The following GLT8D2 variants were observed in gnomAD, a reference collection of about 807,000 sequenced individuals.
GLT8D2 encodes the protein glycosyltransferase 8 domain containing 2.
Under a neutral mutation model 44.5 loss-of-function variants are expected in GLT8D2, and 45 were observed. The ratio of observed to expected loss-of-function variants is 1.01; its 90% CI spans 0.80 to 1.30. The LOEUF is 1.30. Ranked by LOEUF, GLT8D2 falls within the 50% of genes most tolerant of loss-of-function variation. The probability of loss-of-function intolerance (pLI) is 0.00; values close to 1 mark genes in which losing one functional copy is unlikely to be tolerated. For missense variants in GLT8D2, 400 were observed against 430.4 expected, an observed-to-expected ratio of 0.93 and a Z score of 0.62; for synonymous variants, 156 against 157.2, an observed-to-expected ratio of 0.99 and a Z score of 0.06.
chr12:103,994,755 C>T (rs903054471), intron 8 of GLT8D2, among the ~76,000 whole-genome samples: 3 of 152,170 alleles, frequency 2.0e-5, no homozygotes, highest in African/African-American at 7.2e-5. Flanking sequence ...CTTGTCCAGT[C>T]TCATGGCTCT....
chr12:104,051,612 T>A (rs1881736090), upstream of GLT8D2, among the ~76,000 whole-genome samples: 1 of 152,208 alleles, frequency 6.6e-6, no homozygotes, highest in Non-Finnish European at 1.5e-5. Context: ...AATATCCTCC[T>A]TCTAGCTCTT....
In GLT8D2 at chr12:104,009,255, C is replaced by T. The variant is rs189091011; in HGVS notation, c.112+5758G>A. The stretch of plus-strand genomic sequence containing the variant: ...AGCCACAGGGTAGAGCTGCCCAAGA[C>T]CATGGGAACCCACGTCTTGCATCAG... On this transcript the variant is annotated intron_variant, in intron 4 of 10. Coordinates refer to ENST00000360814, the MANE Select transcript of GLT8D2 (RefSeq NM_001384711.1). Among the ~76,000 whole-genome samples the T allele has an allele frequency of 2.0e-5, 3 of 152,324 alleles. No individual in the cohort carries two copies. The East Asian group carries it at 5.8e-4, about 29-fold the overall frequency.
At chr12:104,012,183 A>AT (rs1555278385) in intron 4 of GLT8D2, among the ~76,000 whole-genome samples, 14 of 84,066 alleles carry the variant, frequency 1.7e-4, no homozygotes, top group South Asian at 7.2e-4. Flanking sequence ...AAAAAAAAAA[A>AT]AAAAAAATAT....
intron 10 of GLT8D2, among the ~76,000 whole-genome samples, chr12:103,993,073 G>A (rs1021443138): frequency 1.1e-4 from 16 of 152,098 alleles, no homozygotes; most frequent in South Asian, 4.2e-4. Context: ...GGCTTATGCC[G>A]TAATCCTAGC....
chr12:104,009,780 G>T (rs1259897592), intron 4 of GLT8D2, among the ~76,000 whole-genome samples: 2 of 152,160 alleles, frequency 1.3e-5, no homozygotes, highest in African/African-American at 4.8e-5. Flanking sequence ...TGTTCTCATG[G>T]TAGTGAATAA....
At position 104,022,934 on chromosome 12, in the gene GLT8D2, A is replaced by T. The variant is rs149081888; in HGVS notation, c.-163-1443T>A. On this transcript the variant is annotated intron_variant, in intron 1 of 10. Coordinates refer to ENST00000360814, the MANE Select transcript of GLT8D2 (RefSeq NM_001384711.1). The stretch of plus-strand genomic sequence containing the variant: ...AAATGCAGGGCAAATTCTAAGAGGC[A>T]TATTAACTAGATGTATTCCAAGAAC... 4.2e-3 allele frequency among the ~76,000 whole-genome samples: 637 copies of T among 152,372 alleles called. 5 individuals are homozygous for T. The highest frequency in any genetic ancestry group is 7.8e-3 in the Non-Finnish European group (530 of 68,044).
At chr12:104,060,130 A>T (rs529521709) in intron 1 of GLT8D2, among the ~76,000 whole-genome samples, 5 of 151,686 alleles carry the variant, frequency 3.3e-5, no homozygotes, top group Non-Finnish European at 5.9e-5. Flanking sequence ...TTTCCTTACC[A>T]CTTCTGCCTC....
chr12:103,996,769 G>A lies in GLT8D2; in HGVS notation c.566C>T (p.Ser189Phe). ...CACGAGTCTGTTTATGTCCTGAGCAGAGGGCAAATCGCAGTCATCTGAGAA... is the reference window on the plus strand; with the variant it reads ...CACGAGTCTGTTTATGTCCTGAGCAAAGGGCAAATCGCAGTCATCTGAGAA... ...AAFSDDCDLPSAQDINRLVGL... is the reference protein window; with the variant it reads ...AAFSDDCDLPFAQDINRLVGL... Residue 189 changes from serine to phenylalanine, a missense_variant, in exon 8 of 11, where the codon TCT becomes TTT. Physicochemically the swap from Ser to Phe is radical, Grantham distance 155. Transcript: ENST00000360814. The A allele has an allele frequency of 6.2e-7, 1 of 1,614,118 alleles. No homozygotes were observed. The highest frequency in any genetic ancestry group is 8.5e-7 in the Non-Finnish European group (1 of 1,179,956).
Position 104,030,884 on chromosome 12 carries a change from G to C in GLT8D2, c.-163-9393C>G, listed in dbSNP as rs958718670. 7 of 1,559,164 alleles carry C rather than the reference G, an allele frequency of 4.5e-6. No individual in the cohort carries two copies. In the South Asian group the frequency reaches 4.5e-5, roughly 10 times the overall value. On this transcript the variant is annotated intron_variant, in intron 1 of 10. Transcript: ENST00000360814. Reference sequence around the variant, plus strand: ...CGCCGACCTGAGCCCGGCGGGCCACGAGGAGGCGAAGCGCGGCGGGCAGGC... The same window carrying C: ...CGCCGACCTGAGCCCGGCGGGCCACCAGGAGGCGAAGCGCGGCGGGCAGGC...
At chr12:104,052,750 A>T (rs1881829254), upstream of GLT8D2, among the ~76,000 whole-genome samples, 1 of 143,606 alleles carries the variant, frequency 7.0e-6, no homozygotes, top group Non-Finnish European at 1.5e-5. Context: ...AGCATCTTGT[A>T]CCTTATTTTA....
Position 103,989,517 on chromosome 12 carries a change from C to T in GLT8D2, c.941G>A (p.Trp314Ter). ...GTCCCAAGGTTTATGTCTTCCATTC[C>T]AGTGGAGTAATTTAGCTTCCTGCAG... Reference protein sequence around the residue: ...HFLQEAKLLHWNGRHKPWDFP... With the variant: ...HFLQEAKLLH Residue 314 changes from tryptophan to a stop codon, truncating the protein, a stop_gained, in exon 11 of 11, where the codon TGG (tryptophan) becomes TAG (stop). Coordinates refer to ENST00000360814, the MANE Select transcript of GLT8D2 (RefSeq NM_001384711.1). LOFTEE classifies it high-confidence loss of function. The T allele has an allele frequency of 1.2e-6, 2 of 1,613,588 alleles. No homozygotes were observed. Among genetic ancestry groups the T allele is most frequent in the South Asian group, 2.2e-5 (2 of 91,020 alleles).
chr12:103,993,559 T>C (rs1454019394), intron 9 of GLT8D2, 55 bp from the exon 10 acceptor site: 2 of 1,135,972 alleles, frequency 1.8e-6, no homozygotes, highest in Non-Finnish European at 2.5e-6. Flanking sequence ...CAAACTCAGA[T>C]AAAGTCGAAT....
intron 3 of GLT8D2, among the ~76,000 whole-genome samples, chr12:104,015,777 A>G (rs1399996149): frequency 6.6e-6 from 1 of 151,524 alleles, no homozygotes; most frequent in Admixed American, 6.6e-5. Flanking sequence ...TGAGGTGGGC[A>G]GATCACATGA....
At chr12:103,991,345 C>T (rs773130061) in intron 10 of GLT8D2, among the ~76,000 whole-genome samples, 3 of 152,108 alleles carry the variant, frequency 2.0e-5, no homozygotes, top group Non-Finnish European at 4.4e-5. Context: ...TGCCACCATG[C>T]CCAGCTAATT....
intron 1 of GLT8D2, among the ~76,000 whole-genome samples, chr12:104,056,872 C>G (rs1195367134): frequency 1.3e-5 from 2 of 152,238 alleles, no homozygotes; most frequent in Non-Finnish European, 2.9e-5. Flanking sequence ...TATGCACAGA[C>G]AGCAAAGCAT....
chr12:104,038,926 G>T (rs1346755270), intron 1 of GLT8D2, among the ~76,000 whole-genome samples: 1 of 152,102 alleles, frequency 6.6e-6, no homozygotes, highest in African/African-American at 2.4e-5. Flanking sequence ...AAAATAGCAT[G>T]GTACTGATGC....
At chr12:104,026,802 A>G (rs1284228337) in intron 1 of GLT8D2, among the ~76,000 whole-genome samples, 1 of 152,218 alleles carries the variant, frequency 6.6e-6, no homozygotes, top group East Asian at 1.9e-4. Context: ...GCCATGAAAA[A>G]CAATTTGTCT....
intron 4 of GLT8D2, among the ~76,000 whole-genome samples, chr12:104,011,298 G>A (rs2136328387): frequency 6.6e-6 from 1 of 152,288 alleles, no homozygotes; most frequent in Non-Finnish European, 1.5e-5. Flanking sequence ...GTTGGCTATG[G>A]GAAACTATTT....
intron 1 of GLT8D2, among the ~76,000 whole-genome samples, chr12:104,040,448 C>T (rs996590909): frequency 3.3e-5 from 5 of 151,886 alleles, no homozygotes; most frequent in South Asian, 4.1e-4. Flanking sequence ...TCTTTTGGGA[C>T]GAAGTCTTGT....
Sources: allele counts gnomAD v4.1 joint callset (sites outside exome capture counted in the v4.1 genomes callset), GRCh38; gene constraint gnomAD v4.1.1; transcripts MANE v1.5; gene names NCBI Gene and HGNC (gene_info 2026-07-23, HGNC 2026-07-21).